Variants in SH3BGRL2 observed in about 807,000 individuals in gnomAD.
The protein encoded by SH3BGRL2 is SH3 domain-binding glutamic acid-rich-like protein 2.
In SH3BGRL2, 21 loss-of-function variants were observed where a neutral mutation model predicts 14.8. The observed-to-expected ratio is 1.42, with a 90% CI of 1.01 to 2.05. The LOEUF is 2.05. SH3BGRL2 is among the 30% of genes most tolerant of loss of function. SH3BGRL2 has a pLI of 0.00. For missense variants in SH3BGRL2, 147 were observed against 130.8 expected (o/e 1.12, Z -0.61); for synonymous variants, 50 against 47.8 (o/e 1.05, Z -0.19).
At chr6:79,687,915 C>A (rs1184771191) in intron 2 of SH3BGRL2, among the ~76,000 whole-genome samples, 1 of 152,134 alleles carries the variant, frequency 6.6e-6, no homozygotes, top group African/African-American at 2.4e-5. Flanking sequence ...ATTGACTTAG[C>A]TGTGGGAAGC....
the SH3BGRL2 span, among the ~76,000 whole-genome samples, chr6:79,548,285 C>A: frequency 9.2e-5 from 14 of 151,944 alleles, no homozygotes; most frequent in African/African-American, 3.4e-4. Context: ...ATATATATGC[C>A]AAATTTTTAA....
chr6:79,564,750 A>G, the SH3BGRL2 span, among the ~76,000 whole-genome samples: 5 of 152,194 alleles, frequency 3.3e-5, no homozygotes, highest in Admixed American at 6.5e-5. Context: ...ATGATACATT[A>G]TGTATGAAGG....
At chr6:79,618,769 A>C in the SH3BGRL2 span, among the ~76,000 whole-genome samples, 1 of 151,776 alleles carries the variant, frequency 6.6e-6, no homozygotes, top group Non-Finnish European at 1.5e-5. Context: ...AAATACAAAA[A>C]TTAGCCATGC....
chr6:79,657,222 G>A lies in SH3BGRL2; in HGVS notation c.46-16392G>A, dbSNP rs77746631. On this transcript the variant is annotated intron_variant, in intron 1 of 3. Coordinates refer to ENST00000369838, the MANE Select transcript of SH3BGRL2 (RefSeq NM_031469.4). ...AAATTCTGAAAAGGCAGTGATATAC[G>A]CTTAAGAAGAACACTCTTGTCTGCT... 3.3e-4 allele frequency among the ~76,000 whole-genome samples: 50 copies of A among 151,884 alleles called. 1 individual carries two copies. The East Asian group carries it at 9.3e-3, about 28-fold the overall frequency.
At chr6:79,539,673 A>G in the SH3BGRL2 span, among the ~76,000 whole-genome samples, 1 of 152,232 alleles carries the variant, frequency 6.6e-6, no homozygotes, top group Non-Finnish European at 1.5e-5. Flanking sequence ...ACAAATGCTT[A>G]CTAGTAGGAT....
At chr6:79,584,758 G>C in the SH3BGRL2 span, among the ~76,000 whole-genome samples, 1 of 152,154 alleles carries the variant, frequency 6.6e-6, no homozygotes, top group African/African-American at 2.4e-5. Context: ...TTAAGGACTG[G>C]TAATGTCCAG....
chr6:79,695,413 C>T (rs552382142), intron 2 of SH3BGRL2, among the ~76,000 whole-genome samples: 1 of 152,262 alleles, frequency 6.6e-6, no homozygotes, highest in African/African-American at 2.4e-5. Flanking sequence ...ACAAGGCATG[C>T]GTTGCAGGAA....
chr6:79,608,233 C>G, the SH3BGRL2 span, among the ~76,000 whole-genome samples: 1 of 152,142 alleles, frequency 6.6e-6, no homozygotes, highest in African/African-American at 2.4e-5. Context: ...TAACATGAGA[C>G]TTGCGTGGGG....
rs1012133790 is a variant in SH3BGRL2 at position 79,701,210 on chromosome 6, T to G, written c.*1701T>G. The G allele has an allele frequency of 1.3e-5, 2 of 152,184 alleles. No homozygotes were observed. The highest frequency in any genetic ancestry group is 4.8e-5 in the African/African-American group (2 of 41,454). The allele number at this position is 152,184 out of a possible 1,614,324, so 9.4% of individuals were successfully genotyped here. A position where few individuals can be genotyped will look rare whatever the true frequency, so the allele number is the denominator to read the frequency against. On this transcript the variant is annotated 3_prime_UTR_variant, in exon 4 of 4. Coordinates refer to ENST00000369838, the MANE Select transcript of SH3BGRL2 (RefSeq NM_031469.4). ...ACTGGTTAGTTGTCATTAAGTAAGA[T>G]CCAGGTCAAATTCCATTTGACAAAT...
intron 1 of SH3BGRL2, among the ~76,000 whole-genome samples, chr6:79,664,176 C>A (rs1287474120): frequency 1.3e-5 from 2 of 152,222 alleles, no homozygotes; most frequent in African/African-American, 4.8e-5. Context: ...GCTGCACCCA[C>A]TGTCCAACCA....
chr6:79,549,864 G>A, the SH3BGRL2 span, among the ~76,000 whole-genome samples: 8 of 152,236 alleles, frequency 5.3e-5, no homozygotes, highest in East Asian at 1.9e-4. Flanking sequence ...AACATTCAGT[G>A]GGCTACTGAC....
chr6:79,594,743 C>T, the SH3BGRL2 span, among the ~76,000 whole-genome samples: 3 of 152,106 alleles, frequency 2.0e-5, 1 homozygote, highest in Non-Finnish European at 4.4e-5. Flanking sequence ...ATCTGAGAAA[C>T]TACATTAATC....
chr6:79,673,895 T>C (rs1769828953), intron 2 of SH3BGRL2, 96 bp downstream of exon 2: 2 of 1,268,896 alleles, frequency 1.6e-6, no homozygotes, highest in African/African-American at 3.0e-5. Context: ...AGACTGTGAC[T>C]TCTTCACCCA....
At chr6:79,607,856 A>G in the SH3BGRL2 span, among the ~76,000 whole-genome samples, 196 of 152,188 alleles carry the variant, frequency 1.3e-3, no homozygotes, top group African/African-American at 4.6e-3. Flanking sequence ...GAGGCAGGAG[A>G]ATTGCTTGAA....
chr6:79,655,314 GA>G (rs376288630), intron 1 of SH3BGRL2, among the ~76,000 whole-genome samples: 188 of 152,254 alleles, frequency 1.2e-3, no homozygotes, highest in African/African-American at 4.3e-3. Context: ...CCATGGGTAC[GA>G]TTGAGCAGAT....
chr6:79,554,907 T>C, the SH3BGRL2 span, among the ~76,000 whole-genome samples: 40 of 150,098 alleles, frequency 2.7e-4, no homozygotes, highest in Non-Finnish European at 4.7e-4. Flanking sequence ...TACTTGGCAA[T>C]ATTATTATAT....
intron 2 of SH3BGRL2, among the ~76,000 whole-genome samples, chr6:79,688,888 G>A (rs2127737703): frequency 6.6e-6 from 1 of 151,916 alleles, no homozygotes; most frequent in East Asian, 1.9e-4. Context: ...AATATTAATA[G>A]TTTCACTTTA....
chr6:79,561,739 G>C, the SH3BGRL2 span: 1 of 152,218 alleles, frequency 6.6e-6, no homozygotes, highest in African/African-American at 2.4e-5. Flanking sequence ...ATAGAACTGG[G>C]CAGTCATGTT....
intron 1 of SH3BGRL2, among the ~76,000 whole-genome samples, chr6:79,665,506 A>C (rs1769639531): frequency 6.6e-6 from 1 of 152,198 alleles, no homozygotes; most frequent in Non-Finnish European, 1.5e-5. Flanking sequence ...TTTTAAAATT[A>C]AAAAATTTCA....
Sources: allele counts gnomAD v4.1 joint callset (sites outside exome capture counted in the v4.1 genomes callset), GRCh38; gene constraint gnomAD v4.1.1; transcripts MANE v1.5; gene names NCBI Gene and HGNC (gene_info 2026-07-23, HGNC 2026-07-21).